GLRB: variants seen among roughly 807,000 people sequenced by gnomAD.
GLRB encodes the protein glycine receptor beta, also known as glycine receptor subunit beta.
GLRB carries 33 observed loss-of-function variants against 54.2 expected under a neutral mutation model. The ratio of observed to expected loss-of-function variants is 0.61; its 90% CI spans 0.46 to 0.81. The LOEUF (loss-of-function observed/expected upper bound fraction) is 0.81, where lower values mean the gene tolerates loss of function less well. Ranked by LOEUF, GLRB falls within the 40% of genes least tolerant of loss-of-function variation. The pLI, the probability that GLRB is intolerant of heterozygous loss-of-function variation, is 0.00. For synonymous variants in GLRB, 209 were observed against 208.2 expected (o/e 1.00, Z -0.03); for missense variants, 572 against 584.6 (o/e 0.98, Z 0.22).
Position 157,136,901 on chromosome 4 carries a change from A to T in GLRB, c.610+15A>T, listed in dbSNP as rs2126567322. 1.4e-6 allele frequency: 2 copies of T among 1,455,920 alleles called. No homozygotes were observed. The highest frequency in any genetic ancestry group is 1.1e-5 in the South Asian group (1 of 87,888). 90.2% of individuals were successfully genotyped at this position (1,455,920 alleles called of 1,614,324 possible). On this transcript the variant is annotated intron_variant, in intron 6 of 9. Transcript: ENST00000264428. ...ACTGGAGAGCTGTACGTAAATGAGA[A>T]CATAATTGATTATGAAAATAAAGTG...
At chr4:157,115,756 C>T (rs2126518053) in intron 2 of GLRB, among the ~76,000 whole-genome samples, 1 of 151,800 alleles carries the variant, frequency 6.6e-6, no homozygotes, top group South Asian at 2.1e-4. Context: ...AGAATCACTG[C>T]CTTAGAGCAT....
chr4:157,170,817 T>A lies in GLRB; in HGVS notation c.*89T>A, dbSNP rs1245360258. 1 of 727,414 alleles carries A rather than the reference T, an allele frequency of 1.4e-6. No homozygotes were observed. Among genetic ancestry groups the A allele is most frequent in the Non-Finnish European group, 2.2e-6 (1 of 456,992 alleles). 45.1% of individuals were successfully genotyped at this position (727,414 alleles called of 1,614,324 possible). ...GCCAATCTGTGAGAACTTTTGAATTTTCATAGCAACATTGCATTTTGGATG... is the reference window on the plus strand; with the variant it reads ...GCCAATCTGTGAGAACTTTTGAATTATCATAGCAACATTGCATTTTGGATG... On this transcript the variant is annotated 3_prime_UTR_variant, in exon 10 of 10. Coordinates refer to ENST00000264428, the MANE Select transcript of GLRB (RefSeq NM_000824.5).
At chr4:157,103,483 TA>T (rs897882018) in intron 2 of GLRB, among the ~76,000 whole-genome samples, 2 of 152,250 alleles carry the variant, frequency 1.3e-5, no homozygotes, top group African/African-American at 4.8e-5. Context: ...CTACATTTCT[TA>T]ACTCTTGCAT....
rs183168604 is a variant in GLRB at position 157,089,297 on chromosome 4, G to A, written c.122+11151G>A. Among the ~76,000 whole-genome samples the A allele has an allele frequency of 1.1e-4, 17 of 152,188 alleles. No individual in the cohort carries two copies. The East Asian group carries it at 3.3e-3, about 29-fold the overall frequency. Reference sequence around the variant, plus strand: ...ACCTGTAATCCCAGCTGCTTGGGAGGCTGAGGTGGGAGAATCACCTGAGTC... The same window carrying A: ...ACCTGTAATCCCAGCTGCTTGGGAGACTGAGGTGGGAGAATCACCTGAGTC... On this transcript the variant is annotated intron_variant, in intron 2 of 9. Transcript: ENST00000264428.
At chr4:157,095,962 C>T (rs1734795008) in intron 2 of GLRB, among the ~76,000 whole-genome samples, 1 of 152,150 alleles carries the variant, frequency 6.6e-6, no homozygotes, top group South Asian at 2.1e-4. Context: ...AACATAGGAA[C>T]TTTGCCTAAA....
intron 9 of GLRB, among the ~76,000 whole-genome samples, chr4:157,161,951 G>A (rs531419129): frequency 2.8e-4 from 43 of 152,192 alleles, no homozygotes; most frequent in South Asian, 1.2e-3. Context: ...CATTCTCCCC[G>A]TTACTTTCAG....
At chr4:157,082,109 C>G (rs2126421842) in intron 2 of GLRB, among the ~76,000 whole-genome samples, 1 of 152,278 alleles carries the variant, frequency 6.6e-6, no homozygotes, top group Middle Eastern at 3.4e-3. Flanking sequence ...GTAACTACCA[C>G]TTACTGTTGA....
chr4:157,147,467 G>A (rs78901663), intron 8 of GLRB, among the ~76,000 whole-genome samples: 1 of 130,410 alleles, frequency 7.7e-6, no homozygotes, highest in Admixed American at 7.0e-5. Context: ...AAGAAGATGA[G>A]GGGGGGATTG....
chr4:157,121,456 A>AT (rs34471702), intron 3 of GLRB, among the ~76,000 whole-genome samples: 9,481 of 136,354 alleles, frequency 0.07, 372 homozygotes, highest in African/African-American at 0.12. Flanking sequence ...ATAAGGCTTG[A>AT]TTTTTTTTTT....
At position 157,132,715 on chromosome 4, in the gene GLRB, G is replaced by A. The variant is rs1426737768; in HGVS notation, c.298-3754G>A. ...TCAGATAGCTCAGACCTTTGAACAT[G>A]GGAAGTCTTTATTAATGAATAACTG... is the stretch of plus-strand genomic sequence containing the variant. On this transcript the variant is annotated intron_variant, in intron 4 of 9. Transcript: ENST00000264428. Among the ~76,000 whole-genome samples, 3 of 151,836 alleles carry A rather than the reference G, an allele frequency of 2.0e-5. No homozygotes were observed. In the Admixed American group the frequency reaches 2.0e-4, roughly 10 times the overall value.
chr4:157,113,560 G>A (rs1735497644), intron 2 of GLRB, among the ~76,000 whole-genome samples: 1 of 151,894 alleles, frequency 6.6e-6, no homozygotes, highest in South Asian at 2.1e-4. Context: ...CAAATTGCTG[G>A]TATTAAAAAT....
At chr4:157,103,028 G>C (rs1735091267) in intron 2 of GLRB, among the ~76,000 whole-genome samples, 1 of 152,020 alleles carries the variant, frequency 6.6e-6, no homozygotes, top group African/African-American at 2.4e-5. Flanking sequence ...ATGCACGCCT[G>C]TAGTCCCGGC....
At chr4:157,109,937 T>A (rs934890693) in intron 2 of GLRB, among the ~76,000 whole-genome samples, 1 of 152,014 alleles carries the variant, frequency 6.6e-6, no homozygotes, top group Non-Finnish European at 1.5e-5. Context: ...CAATCCTCTA[T>A]GTCTCCAGCT....
At chr4:157,088,284 G>A (rs978662362) in intron 2 of GLRB, among the ~76,000 whole-genome samples, 2 of 151,934 alleles carry the variant, frequency 1.3e-5, no homozygotes, top group African/African-American at 4.8e-5. Context: ...GATACCATGG[G>A]CATGGCTGAC....
At chr4:157,077,682 T>C (rs1160834440) in intron 1 of GLRB, among the ~76,000 whole-genome samples, 2 of 151,628 alleles carry the variant, frequency 1.3e-5, no homozygotes, top group Non-Finnish European at 2.9e-5. Flanking sequence ...TGCAATTCAA[T>C]ATCAATTTAT....
chr4:157,167,059 T>G (rs1336188620), intron 9 of GLRB, among the ~76,000 whole-genome samples: 2 of 152,124 alleles, frequency 1.3e-5, no homozygotes, highest in Non-Finnish European at 2.9e-5. Context: ...AGCAAATGCA[T>G]TTCTACAGTA....
At chr4:157,086,626 A>G (rs1665071210) in intron 2 of GLRB, among the ~76,000 whole-genome samples, 3 of 152,240 alleles carry the variant, frequency 2.0e-5, no homozygotes, top group African/African-American at 7.2e-5. Flanking sequence ...TGTCATATAA[A>G]ATAACTAGAC....
chr4:157,077,956 T>G, intron 1 of GLRB, 40 bp from the exon 2 acceptor site: 1 of 1,362,420 alleles, frequency 7.3e-7, no homozygotes, highest in Non-Finnish European at 1.0e-6. Flanking sequence ...AGTTATCATT[T>G]TCTTCATAAA....
intron 2 of GLRB, among the ~76,000 whole-genome samples, chr4:157,083,463 G>A (rs1734298301): frequency 6.6e-6 from 1 of 152,116 alleles, no homozygotes; most frequent in Non-Finnish European, 1.5e-5. Context: ...ATGATAAGTG[G>A]AGGTACGCAG....
Sources: allele counts gnomAD v4.1 joint callset (sites outside exome capture counted in the v4.1 genomes callset), GRCh38; gene constraint gnomAD v4.1.1; transcripts MANE v1.5; gene names NCBI Gene and HGNC (gene_info 2026-07-23, HGNC 2026-07-21).